TENM3: variants seen among roughly 807,000 people sequenced by gnomAD.
TENM3 encodes teneurin transmembrane protein 3.
A neutral mutation model predicts 255.1 loss-of-function variants in TENM3; 63 were observed. The ratio of observed to expected loss-of-function variants is 0.25; its 90% CI spans 0.20 to 0.30. The LOEUF (loss-of-function observed/expected upper bound fraction) is 0.30, where lower values mean the gene tolerates loss of function less well. TENM3 is among the 10% of genes least tolerant of loss of function. The probability of loss-of-function intolerance (pLI) is 1.00; values close to 1 mark genes in which losing one functional copy is unlikely to be tolerated. For missense variants in TENM3, 2,929 were observed against 3,461.1 expected, an observed-to-expected ratio of 0.85 and a Z score of 3.86; for synonymous variants, 1,306 against 1,322.3, an observed-to-expected ratio of 0.99 and a Z score of 0.27.
intron 3 of TENM3, among the ~76,000 whole-genome samples, chr4:182,466,553 G>GA (rs35370868): frequency 0.22 from 34,089 of 151,754 alleles, 4,145 homozygotes; most frequent in Non-Finnish European, 0.27. Context: ...GGCTGGTCTT[G>GA]ACTCCTGGGC....
chr4:182,521,569 T>C (rs565882873), intron 3 of TENM3, among the ~76,000 whole-genome samples: 2 of 150,956 alleles, frequency 1.3e-5, no homozygotes, highest in Non-Finnish European at 3.0e-5. Flanking sequence ...ACAGGTTGGG[T>C]AGCAAATGGG....
chr4:182,725,889 C>T (rs967860218), intron 13 of TENM3, among the ~76,000 whole-genome samples: 8 of 151,998 alleles, frequency 5.3e-5, no homozygotes, highest in Non-Finnish European at 4.4e-5. Context: ...CCACCCGCCT[C>T]GGCCTCCCAA....
At chr4:181,672,854 TA>T in the TENM3 span, among the ~76,000 whole-genome samples, 4 of 152,162 alleles carry the variant, frequency 2.6e-5, no homozygotes, top group Non-Finnish European at 5.9e-5. Flanking sequence ...CTCAAAGAGT[TA>T]AGTACTTTGC....
At chr4:182,417,201 C>A (rs998747880) in intron 3 of TENM3, among the ~76,000 whole-genome samples, 1 of 152,106 alleles carries the variant, frequency 6.6e-6, no homozygotes, top group Non-Finnish European at 1.5e-5. Context: ...TGGTCTCGAT[C>A]TCCTGACCTC....
At chr4:182,581,827 C>A (rs1745521060) in intron 3 of TENM3, among the ~76,000 whole-genome samples, 1 of 152,012 alleles carries the variant, frequency 6.6e-6, no homozygotes, top group Non-Finnish European at 1.5e-5. Flanking sequence ...CTGAGATGTA[C>A]TATAAGGCCA....
At chr4:182,183,991 G>C (rs553200124) in intron 1 of TENM3, among the ~76,000 whole-genome samples, 2 of 152,104 alleles carry the variant, frequency 1.3e-5, no homozygotes, top group Admixed American at 1.3e-4. Context: ...TTTTCATCTT[G>C]ATATAGAAAG....
the TENM3 span, among the ~76,000 whole-genome samples, chr4:182,026,332 T>A: frequency 4.3e-3 from 648 of 152,314 alleles, 6 homozygotes; most frequent in African/African-American, 0.015. Flanking sequence ...TATATAGTTG[T>A]TTGAGCTCCT....
At chr4:181,879,992 A>G in the TENM3 span, among the ~76,000 whole-genome samples, 209 of 152,314 alleles carry the variant, frequency 1.4e-3, 1 homozygote, top group African/African-American at 4.7e-3. Flanking sequence ...TGCATAGTCA[A>G]TGGGGATGGG....
chr4:182,752,318 T>C (rs1762433068), intron 20 of TENM3, among the ~76,000 whole-genome samples: 1 of 152,174 alleles, frequency 6.6e-6, no homozygotes, highest in African/African-American at 2.4e-5. Context: ...CTACTCTATA[T>C]AATTCAGGCC....
At chr4:181,613,671 G>A in the TENM3 span, among the ~76,000 whole-genome samples, 1 of 152,168 alleles carries the variant, frequency 6.6e-6, no homozygotes, top group African/African-American at 2.4e-5. Context: ...TCCCCAGGTT[G>A]TTATGAGGGT....
chr4:182,571,458 A>G (rs1275540796), intron 3 of TENM3, among the ~76,000 whole-genome samples: 1 of 152,196 alleles, frequency 6.6e-6, no homozygotes, highest in African/African-American at 2.4e-5. Flanking sequence ...CCCAGGAAGC[A>G]GAGGTTTCAG....
At chr4:181,539,543 A>C in the TENM3 span, among the ~76,000 whole-genome samples, 27 of 152,266 alleles carry the variant, frequency 1.8e-4, no homozygotes, top group African/African-American at 6.5e-4. Flanking sequence ...TCCTCTAAAA[A>C]TCCATGTTAG....
At chr4:182,269,962 A>G (rs1410776716) in intron 1 of TENM3, among the ~76,000 whole-genome samples, 1 of 152,228 alleles carries the variant, frequency 6.6e-6, no homozygotes, top group East Asian at 1.9e-4. Context: ...AAGTTGGGGC[A>G]TCCAGAAGTG....
At chr4:182,090,287 A>C in the TENM3 span, among the ~76,000 whole-genome samples, 6 of 152,370 alleles carry the variant, frequency 3.9e-5, no homozygotes, top group Admixed American at 3.9e-4. Context: ...ATTGATACGC[A>C]GAAGCAATCA....
intron 3 of TENM3, among the ~76,000 whole-genome samples, chr4:182,373,335 A>C (rs1227915507): frequency 2.6e-5 from 4 of 152,174 alleles, no homozygotes; most frequent in African/African-American, 9.7e-5. Flanking sequence ...CCTTGCTATC[A>C]AGGAAGTACC....
At chr4:182,124,560 C>A in the TENM3 span, among the ~76,000 whole-genome samples, 3 of 152,130 alleles carry the variant, frequency 2.0e-5, no homozygotes. Context: ...AGGCTGAGCC[C>A]TGGGGCAACA....
chr4:182,580,166 G>C (rs1745344539), intron 3 of TENM3, among the ~76,000 whole-genome samples: 2 of 152,142 alleles, frequency 1.3e-5, no homozygotes, highest in South Asian at 4.1e-4. Flanking sequence ...ATTAAAGTAA[G>C]TGGAGACAAA....
At chr4:181,837,816 C>T in the TENM3 span, among the ~76,000 whole-genome samples, 1 of 152,124 alleles carries the variant, frequency 6.6e-6, no homozygotes, top group Admixed American at 6.5e-5. Context: ...GAAAGTCTAC[C>T]ATGTGGCCAG....
At chr4:182,291,423 A>G (rs555664629) in intron 1 of TENM3, among the ~76,000 whole-genome samples, 1 of 152,142 alleles carries the variant, frequency 6.6e-6, no homozygotes, top group African/African-American at 2.4e-5. Flanking sequence ...CAGAGATGCA[A>G]TTCCAGGAGA....
Sources: gnomAD v4.1 joint callset for allele counts (sites outside exome capture counted in the v4.1 genomes callset) on GRCh38, gnomAD v4.1.1 for gene constraint, MANE v1.5 for transcripts, NCBI Gene and HGNC (gene_info 2026-07-23, HGNC 2026-07-21) for gene names.